OR4F16: variants seen among roughly 807,000 people sequenced by gnomAD.
OR4F16 encodes olfactory receptor 4F3/4F16/4F29.
At chr1:679,899 G>A in the OR4F16 span, among the ~76,000 whole-genome samples, 5 of 125,302 alleles carry the variant, frequency 4.0e-5, no homozygotes, top group African/African-American at 1.3e-4. Flanking sequence ...AAATTTGGCA[G>A]AGACACAACA....
chr1:682,719 GAATA>G (rs1277226925), downstream of OR4F16, among the ~76,000 whole-genome samples: 123 of 68,524 alleles, frequency 1.8e-3, 1 homozygote, highest in African/African-American at 5.9e-3. Flanking sequence ...ACAGTCAAAA[GAATA>G]AATAAATCAA....
the OR4F16 span, among the ~76,000 whole-genome samples, chr1:709,992 GT>G: frequency 1.3e-5 from 2 of 150,138 alleles, no homozygotes; most frequent in South Asian, 4.3e-4. Context: ...ATACAATATG[GT>G]TACATTTATA....
At chr1:692,608 G>A in the OR4F16 span, among the ~76,000 whole-genome samples, 2 of 150,360 alleles carry the variant, frequency 1.3e-5, no homozygotes, top group Non-Finnish European at 3.0e-5. Flanking sequence ...AAAACGGAGG[G>A]AAGGAGTTCC....
the OR4F16 span, chr1:701,897 C>T: frequency 3.3e-5 from 5 of 151,480 alleles, no homozygotes; most frequent in Non-Finnish European, 7.4e-5. Context: ...GTAACAAATG[C>T]CCCTAAACTT....
At chr1:680,068 A>G in the OR4F16 span, among the ~76,000 whole-genome samples, 2 of 129,058 alleles carry the variant, frequency 1.5e-5, no homozygotes, top group Non-Finnish European at 3.2e-5. Flanking sequence ...AACATACGCA[A>G]ATCAATAAAC....
the OR4F16 span, among the ~76,000 whole-genome samples, chr1:697,006 AAATT>A: frequency 9.0e-6 from 1 of 111,194 alleles, no homozygotes; most frequent in African/African-American, 6.6e-5. Flanking sequence ...TAAAAGCATA[AAATT>A]AATTCATTTA....
the OR4F16 span, among the ~76,000 whole-genome samples, chr1:701,299 A>G: frequency 6.7e-6 from 1 of 149,836 alleles, no homozygotes; most frequent in Non-Finnish European, 1.5e-5. Context: ...AAAACGCACC[A>G]AAGTCATATT....
the OR4F16 span, among the ~76,000 whole-genome samples, chr1:680,036 C>A: frequency 7.5e-6 from 1 of 133,074 alleles, no homozygotes; most frequent in Admixed American, 7.3e-5. Context: ...TCAGCTTCAT[C>A]CCTGGGATAC....
upstream of OR4F16, among the ~76,000 whole-genome samples, chr1:687,245 T>C (rs2100540537): frequency 7.6e-6 from 1 of 131,530 alleles, no homozygotes; most frequent in East Asian, 2.2e-4. Context: ...TCACAAGAAA[T>C]AGAATCACCA....
At chr1:680,057 C>G in the OR4F16 span, among the ~76,000 whole-genome samples, 19 of 130,840 alleles carry the variant, frequency 1.5e-4, 3 homozygotes, top group Admixed American at 1.4e-3. Context: ...AAGGCTAGTT[C>G]AACATACGCA....
chr1:716,973 CAT>C, the OR4F16 span, among the ~76,000 whole-genome samples: 2 of 80,106 alleles, frequency 2.5e-5, no homozygotes, highest in Non-Finnish European at 2.7e-5. Flanking sequence ...ATGTTGCATA[CAT>C]ATATGACTTT....
At chr1:692,917 T>A in the OR4F16 span, among the ~76,000 whole-genome samples, 3 of 124,750 alleles carry the variant, frequency 2.4e-5, no homozygotes, top group Non-Finnish European at 4.9e-5. Context: ...CAAATAAGAG[T>A]ATTAGATATT....
chr1:687,312 A>G (rs1484917993), upstream of OR4F16, among the ~76,000 whole-genome samples: 571 of 134,744 alleles, frequency 4.2e-3, 2 homozygotes, highest in Non-Finnish European at 6.8e-3. Context: ...CAGTTTCTAT[A>G]CAATCTTTCA....
chr1:696,929 TAAAAG>T, the OR4F16 span, among the ~76,000 whole-genome samples: 3 of 113,658 alleles, frequency 2.6e-5, 1 homozygote, highest in Admixed American at 1.6e-4. Context: ...ATCTTCAAAT[TAAAAG>T]AAAATAGGTA....
chr1:713,460 C>T, the OR4F16 span, among the ~76,000 whole-genome samples: 3 of 135,240 alleles, frequency 2.2e-5, 1 homozygote, highest in African/African-American at 1.1e-4. Context: ...TTATCCATTA[C>T]ACTATTAATT....
At chr1:710,371 TTTC>T in the OR4F16 span, among the ~76,000 whole-genome samples, 1 of 21,706 alleles carries the variant, frequency 4.6e-5, no homozygotes, top group African/African-American at 1.1e-4. Context: ...ACATAGCTAT[TTTC>T]TTAAGTAGAT....
the OR4F16 span, among the ~76,000 whole-genome samples, chr1:701,720 G>A: frequency 1.3e-5 from 2 of 149,878 alleles, no homozygotes; most frequent in Non-Finnish European, 2.9e-5. Flanking sequence ...GGAGCTAAAT[G>A]ATGAGAACTC....
chr1:713,400 G>T, the OR4F16 span, among the ~76,000 whole-genome samples: 1 of 103,804 alleles, frequency 9.6e-6, no homozygotes, highest in African/African-American at 5.5e-5. Flanking sequence ...GAGTGACATT[G>T]CCTTTTAGTT....
chr1:702,279 G>C, the OR4F16 span: 1 of 138,314 alleles, frequency 7.2e-6, no homozygotes, highest in Non-Finnish European at 1.6e-5. Context: ...CCCAGGAGGT[G>C]GAGTTTACAG....
Sources: allele counts gnomAD v4.1 joint callset (sites outside exome capture counted in the v4.1 genomes callset), GRCh38; gene constraint gnomAD v4.1.1; transcripts MANE v1.5; gene names NCBI Gene and HGNC (gene_info 2026-07-23, HGNC 2026-07-21).